TRIM2: variants seen among roughly 807,000 people sequenced by gnomAD.
The protein encoded by TRIM2 is tripartite motif-containing protein 2.
TRIM2 carries 20 observed loss-of-function variants against 75.2 expected under a neutral mutation model. The ratio of observed to expected loss-of-function variants is 0.27; its 90% confidence interval spans 0.19 to 0.39. The LOEUF (loss-of-function observed/expected upper bound fraction) is 0.39. Among genes scored for constraint, TRIM2 ranks in the 10% least tolerant of loss-of-function variants. The probability of loss-of-function intolerance (pLI) is 1.00; values close to 1 mark genes in which losing one functional copy is unlikely to be tolerated. For missense variants in TRIM2, 660 were observed against 990.8 expected, an observed-to-expected ratio of 0.67 and a Z score of 4.48; for synonymous variants, 373 against 388.3, an observed-to-expected ratio of 0.96 and a Z score of 0.46.
At chr4:153,324,052 C>T (rs1561016408) in intron 9 of TRIM2, 26 bp from the exon 10 acceptor site, 19 of 1,593,120 alleles carry the variant, frequency 1.2e-5, no homozygotes, top group Non-Finnish European at 1.5e-5. Flanking sequence ...GTAGTCATCA[C>T]ATATTTTTTT....
At chr4:153,244,334 T>TTCTTCTTCTTCTTCTTCC (rs1748000332) in intron 1 of TRIM2, among the ~76,000 whole-genome samples, 1 of 27,918 alleles carries the variant, frequency 3.6e-5, no homozygotes, top group Non-Finnish European at 5.6e-5. Context: ...CTTCTTCTTC[T>TTCTTCTTCTTCTTCTTCC]TCTTCTTCTT....
chr4:153,330,955 C>T (rs1435166440), intron 11 of TRIM2, among the ~76,000 whole-genome samples: 1 of 152,026 alleles, frequency 6.6e-6, no homozygotes, highest in Non-Finnish European at 1.5e-5. Flanking sequence ...ATAGAAAATC[C>T]CAAAGAATCT....
chr4:153,299,407 T>A (rs545357595), intron 6 of TRIM2, among the ~76,000 whole-genome samples: 2 of 152,162 alleles, frequency 1.3e-5, no homozygotes, highest in Non-Finnish European at 2.9e-5. Flanking sequence ...TACCACATTT[T>A]CTTTATCTAT....
At chr4:153,267,136 C>T (rs1755401085) in intron 1 of TRIM2, 1 of 148,068 alleles carries the variant, frequency 6.8e-6, no homozygotes, top group South Asian at 2.1e-4. Context: ...AGTGTTGCTT[C>T]TGTAAATATG....
intron 5 of TRIM2, among the ~76,000 whole-genome samples, chr4:153,294,865 C>T (rs1422243774): frequency 2.6e-5 from 4 of 152,180 alleles, no homozygotes; most frequent in Non-Finnish European, 5.9e-5. Flanking sequence ...TTTAACTCTG[C>T]ATGTCTGTTC....
intron 1 of TRIM2, among the ~76,000 whole-genome samples, chr4:153,178,068 T>G (rs1351193194): frequency 6.6e-6 from 1 of 152,064 alleles, no homozygotes; most frequent in Non-Finnish European, 1.5e-5. Flanking sequence ...TCCCAAGGTG[T>G]TGGGATTACA....
chr4:153,306,930 A>G (rs944158400), intron 6 of TRIM2, among the ~76,000 whole-genome samples: 4 of 152,234 alleles, frequency 2.6e-5, no homozygotes, highest in African/African-American at 9.6e-5. Context: ...TAGAGAAGTG[A>G]AGCCCCTGCC....
chr4:153,247,537 A>T (rs1479037149), intron 1 of TRIM2, among the ~76,000 whole-genome samples: 1 of 151,974 alleles, frequency 6.6e-6, no homozygotes, highest in Non-Finnish European at 1.5e-5. Flanking sequence ...AATTAGCTGG[A>T]CATGGTGGCA....
At chr4:153,178,473 T>G (rs1731703596) in intron 1 of TRIM2, among the ~76,000 whole-genome samples, 1 of 152,238 alleles carries the variant, frequency 6.6e-6, no homozygotes, top group African/African-American at 2.4e-5. Flanking sequence ...CTCTTGTGCC[T>G]TCTGGCTGCC....
At chr4:153,179,483 C>G (rs1290090946) in intron 1 of TRIM2, among the ~76,000 whole-genome samples, 1 of 152,070 alleles carries the variant, frequency 6.6e-6, no homozygotes, top group Non-Finnish European at 1.5e-5. Flanking sequence ...CCTCTGTTGC[C>G]ACCTACCTGC....
At chr4:153,292,397 ATAAAT>A (rs1762001360) in intron 3 of TRIM2, among the ~76,000 whole-genome samples, 1 of 152,206 alleles carries the variant, frequency 6.6e-6, no homozygotes, top group Non-Finnish European at 1.5e-5. Flanking sequence ...ACTGCTTTTA[ATAAAT>A]TAAATACTTT....
chr4:153,186,212 C>T (rs76465385), intron 1 of TRIM2, among the ~76,000 whole-genome samples: 11,050 of 152,070 alleles, frequency 0.073, 520 homozygotes, highest in African/African-American at 0.12. Flanking sequence ...GAGTGAGCGT[C>T]GGGGCGTGGT....
chr4:153,239,444 CCTTT>C (rs1019395683), intron 1 of TRIM2, among the ~76,000 whole-genome samples: 1 of 149,606 alleles, frequency 6.7e-6, no homozygotes, highest in Non-Finnish European at 1.5e-5. Context: ...TCTCTCTCTG[CCTTT>C]CTGTTATTTT....
intron 1 of TRIM2, among the ~76,000 whole-genome samples, chr4:153,215,234 C>T (rs150884943): frequency 3.3e-5 from 5 of 152,142 alleles, no homozygotes; most frequent in Admixed American, 1.3e-4. Context: ...CTGATGTAGA[C>T]TGGGAACTGA....
intron 1 of TRIM2, among the ~76,000 whole-genome samples, chr4:153,153,461 G>A (rs144362872): frequency 2.0e-5 from 3 of 152,282 alleles, no homozygotes; most frequent in Non-Finnish European, 4.4e-5. Context: ...GCGACAGCCC[G>A]GAAGGCTGCA....
At chr4:153,155,842 A>G (rs1729182061) in intron 1 of TRIM2, among the ~76,000 whole-genome samples, 1 of 152,186 alleles carries the variant, frequency 6.6e-6, no homozygotes, top group Admixed American at 6.5e-5. Context: ...CACTAGGTAG[A>G]GAAACGTTGG....
chr4:153,200,716 G>GAAA (rs71598251), upstream of TRIM2, among the ~76,000 whole-genome samples: 165 of 130,918 alleles, frequency 1.3e-3, no homozygotes, highest in African/African-American at 3.9e-3. Flanking sequence ...TTTTTAGTAA[G>GAAA]AAAAAAAAAT....
chr4:153,326,979 CAAAA>C (rs10718802), intron 10 of TRIM2, among the ~76,000 whole-genome samples: 4 of 98,974 alleles, frequency 4.0e-5, no homozygotes, highest in Non-Finnish European at 4.1e-5. Context: ...GACTCCATCT[CAAAA>C]AAAAAAAAAA....
At position 153,328,594 on chromosome 4, in the gene TRIM2, T is replaced by C; in HGVS notation, c.2087T>C (p.Phe696Ser). The stretch of plus-strand genomic sequence containing the variant: ...TCAAATGGAGAAGGAAATGGGCAGT[T>C]TAATGCTCCAACAGGTGTAGCAGTG... ...FGSNGEGNGQ[F>S]NAPTGVAVDS... Residue 696 changes from phenylalanine to serine, a missense_variant, in exon 11 of 12, where the codon TTT becomes TCT. This residue lies in a region of TRIM2 where 40 missense variants were observed against 99.8 expected (regional missense o/e 0.40). Coordinates refer to ENST00000338700, the MANE Select transcript of TRIM2 (RefSeq NM_015271.5). 1 of 1,613,210 alleles carries C rather than the reference T, an allele frequency of 6.2e-7. No homozygotes were observed. Among genetic ancestry groups the C allele is most frequent in the East Asian group, 2.2e-5 (1 of 44,810 alleles).
Sources: allele counts gnomAD v4.1 joint callset (sites outside exome capture counted in the v4.1 genomes callset), GRCh38; gene constraint gnomAD v4.1.1; regional missense constraint gnomAD v4.1.1; transcripts MANE v1.5; gene names NCBI Gene and HGNC (gene_info 2026-07-23, HGNC 2026-07-21).